Variants in DMGDH observed in about 807,000 individuals in gnomAD.
The protein encoded by DMGDH is dimethylglycine dehydrogenase, mitochondrial.
Under a neutral mutation model 95.2 loss-of-function variants are expected in DMGDH, and 76 were observed. The ratio of observed to expected loss-of-function variants is 0.80; its 90% CI spans 0.66 to 0.97. The LOEUF (loss-of-function observed/expected upper bound fraction) is 0.97, where lower values mean the gene tolerates loss of function less well. DMGDH is among the 50% of genes least tolerant of loss of function. The pLI is 0.00. For synonymous variants in DMGDH, 345 were observed against 377.6 expected (o/e 0.91, Z 1.00); for missense variants, 987 against 1,055.0 (o/e 0.94, Z 0.89).
At chr5:79,037,816 T>C (rs1754386710) in intron 7 of DMGDH, among the ~76,000 whole-genome samples, 1 of 152,208 alleles carries the variant, frequency 6.6e-6, no homozygotes, top group Non-Finnish European at 1.5e-5. Flanking sequence ...AATACTAAAA[T>C]TCAATTGGAA....
rs748526327 is a variant in DMGDH, at chr5:79,030,024, G to A, written c.1694C>T (p.Thr565Ile). Residue 565 changes from threonine (T) to isoleucine (I), a missense_variant, in exon 11 of 16, where the codon ACA becomes ATA. Thr to Ile is a moderately conservative substitution (Grantham distance 89). Transcript: ENST00000255189. ...GGGTGTTAACATGTGACTTATATTT[G>A]TAAAACCCACCTACATAAAAAAATT... ...FANVIPKVGF[T>I]NISHMLTPKG... 1.6e-5 allele frequency: 26 copies of A among 1,613,060 alleles called. No individual in the cohort carries two copies. Among genetic ancestry groups the A allele is most frequent in the Non-Finnish European group, 2.0e-5 (24 of 1,179,622 alleles).
intron 15 of DMGDH, among the ~76,000 whole-genome samples, 184 bp downstream of exon 15, chr5:79,005,089 C>A (rs1240926637): frequency 1.3e-5 from 2 of 152,188 alleles, no homozygotes; most frequent in Non-Finnish European, 2.9e-5. Context: ...CAAAAATGAG[C>A]AACATTGCAT....
intron 2 of DMGDH, among the ~76,000 whole-genome samples, chr5:79,057,955 A>G (rs1755080698): frequency 6.6e-6 from 1 of 151,992 alleles, no homozygotes; most frequent in Admixed American, 6.6e-5. Flanking sequence ...CTTCTCCCTC[A>G]CTCCAGAAAT....
At position 78,997,830 on chromosome 5, in the gene DMGDH, G is replaced by T; in HGVS notation, c.*252C>A. Reference sequence around the variant, plus strand: ...AAACACCTAAATGTTTTACTGATTGGGTAATGTGGGGTAAATAAAAAAACA... The same window carrying T: ...AAACACCTAAATGTTTTACTGATTGTGTAATGTGGGGTAAATAAAAAAACA... On this transcript the variant is annotated 3_prime_UTR_variant, in exon 16 of 16. Transcript: ENST00000255189. The T allele has an allele frequency of 2.0e-6, 1 of 496,502 alleles. No individual in the cohort carries two copies. Among genetic ancestry groups the T allele is most frequent in the Non-Finnish European group, 3.6e-6 (1 of 276,690 alleles). The allele number at this position is 496,502 out of a possible 1,614,324, so 30.8% of individuals were successfully genotyped here.
At chr5:79,050,096 A>C (rs1754795008) in intron 5 of DMGDH, among the ~76,000 whole-genome samples, 2 of 151,600 alleles carry the variant, frequency 1.3e-5, no homozygotes, top group African/African-American at 4.8e-5. Context: ...GTCTCTACTA[A>C]AAATACAAAA....
chr5:79,059,090 A>C (rs940282542), intron 2 of DMGDH, among the ~76,000 whole-genome samples: 2 of 152,260 alleles, frequency 1.3e-5, no homozygotes, highest in African/African-American at 4.8e-5. Flanking sequence ...AGAGATCATA[A>C]ACACACAAAA....
chr5:79,030,305 A>T (rs1754121585), intron 10 of DMGDH, among the ~76,000 whole-genome samples: 1 of 152,208 alleles, frequency 6.6e-6, no homozygotes, highest in South Asian at 2.1e-4. Context: ...ACAATTAAGC[A>T]AAGTCATAAG....
intron 7 of DMGDH, among the ~76,000 whole-genome samples, chr5:79,039,109 G>A (rs55762060): frequency 3.3e-4 from 49 of 148,300 alleles, no homozygotes; most frequent in African/African-American, 1.1e-3. Context: ...CACTGTTGGT[G>A]GGACTATAAA....
At chr5:79,037,988 T>C (rs983294234) in intron 7 of DMGDH, among the ~76,000 whole-genome samples, 1 of 152,200 alleles carries the variant, frequency 6.6e-6, no homozygotes, top group African/African-American at 2.4e-5. Context: ...TGTTCAGATG[T>C]CAATACTCCC....
At chr5:79,024,435 A>T in intron 13 of DMGDH, 105 bp from the exon 14 acceptor site, 4 of 1,132,302 alleles carry the variant, frequency 3.5e-6, no homozygotes, top group Non-Finnish European at 5.3e-6. Flanking sequence ...TGATTTTTCA[A>T]CACAGATTCT....
intron 14 of DMGDH, among the ~76,000 whole-genome samples, chr5:79,006,082 C>T (rs56734247): frequency 0.067 from 10,004 of 148,316 alleles, 365 homozygotes; most frequent in Non-Finnish European, 0.078. Context: ...TTCCGTGCAA[C>T]ACATGACAGA....
At chr5:79,061,723 C>A (rs1277616230) in intron 2 of DMGDH, among the ~76,000 whole-genome samples, 2 of 151,970 alleles carry the variant, frequency 1.3e-5, no homozygotes, top group East Asian at 1.9e-4. Context: ...AGTTCAAGAC[C>A]AGCCCGGGCA....
chr5:79,049,455 T>G (rs565711531), intron 5 of DMGDH, among the ~76,000 whole-genome samples: 2 of 152,366 alleles, frequency 1.3e-5, no homozygotes, highest in East Asian at 1.9e-4. Context: ...CAAGTCCATC[T>G]GAAATGAGTG....
intron 7 of DMGDH, 132 bp from the exon 8 acceptor site, chr5:79,033,540 C>G: frequency 2.7e-6 from 3 of 1,097,062 alleles, no homozygotes; most frequent in Non-Finnish European, 2.7e-6. Flanking sequence ...AACATAATCT[C>G]TATGGAACAA....
Position 79,034,796 on chromosome 5 carries a change from G to A in DMGDH, c.1194-1388C>T, listed in dbSNP as rs191018661. Among the ~76,000 whole-genome samples the A allele has an allele frequency of 1.1e-3, 170 of 152,194 alleles. 1 individual carries two copies. Among genetic ancestry groups the A allele is most frequent in the African/African-American group, 3.9e-3 (162 of 41,500 alleles). On this transcript the variant is annotated intron_variant, in intron 7 of 15. Transcript: ENST00000255189. The stretch of plus-strand genomic sequence containing the variant: ...TCTCAGGCCGGGCGCGATGTCTCAC[G>A]CCTGTAATCCCAGCACTTTGGGAGG...
chr5:79,030,727 G>A (rs559168890), intron 10 of DMGDH, 106 bp downstream of exon 10: 1 of 1,161,222 alleles, frequency 8.6e-7, no homozygotes, highest in East Asian at 2.5e-5. Context: ...CAGTTGAAGA[G>A]TTCTAGTGTT....
At chr5:79,067,233 C>T (rs1418856746) in intron 1 of DMGDH, among the ~76,000 whole-genome samples, 4 of 152,014 alleles carry the variant, frequency 2.6e-5, no homozygotes, top group Admixed American at 2.0e-4. Context: ...TTTGTTTCAC[C>T]GGTTTTTAGA....
At chr5:79,057,783 T>C (rs1050922845) in intron 2 of DMGDH, among the ~76,000 whole-genome samples, 1 of 152,154 alleles carries the variant, frequency 6.6e-6, no homozygotes, top group Non-Finnish European at 1.5e-5. Flanking sequence ...TATATATATG[T>C]CCTATATAAA....
chr5:79,008,561 G>A (rs1160959196), intron 14 of DMGDH, among the ~76,000 whole-genome samples: 1 of 152,242 alleles, frequency 6.6e-6, no homozygotes. Context: ...CGATGTGGTG[G>A]AAGCTGGCCA....
Sources: gnomAD v4.1 joint callset for allele counts (sites outside exome capture counted in the v4.1 genomes callset) on GRCh38, gnomAD v4.1.1 for gene constraint, MANE v1.5 for transcripts, NCBI Gene and HGNC (gene_info 2026-07-23, HGNC 2026-07-21) for gene names.